CDKL2: variants seen among roughly 807,000 people sequenced by gnomAD.
CDKL2 encodes the protein cyclin-dependent kinase-like 2.
In CDKL2, 64 loss-of-function variants were observed where a neutral mutation model predicts 63.9. The observed-to-expected ratio is 1.00, with a 90% CI of 0.82 to 1.23. CDKL2 has a LOEUF of 1.23. Ranked by LOEUF, CDKL2 falls within the 50% of genes most tolerant of loss-of-function variation. CDKL2 has a pLI of 0.00. For missense variants in CDKL2, 656 were observed against 668.0 expected (o/e 0.98, Z 0.20); for synonymous variants, 211 against 229.2 (o/e 0.92, Z 0.72).
intron 13 of CDKL2, among the ~76,000 whole-genome samples, chr4:75,580,793 C>T (rs555770545): frequency 3.6e-4 from 54 of 149,488 alleles, no homozygotes; most frequent in Non-Finnish European, 4.5e-4. Context: ...CTCCGCCTCC[C>T]GGGTTCACGC....
chr4:75,608,996 GAAAAAAAA>G (rs5859470), intron 3 of CDKL2, among the ~76,000 whole-genome samples: 2 of 120,866 alleles, frequency 1.7e-5, no homozygotes, highest in Admixed American at 8.0e-5. Context: ...TCCATCTCAA[GAAAAAAAA>G]AAAAAAAGAA....
chr4:75,597,230 T>C lies in CDKL2; in HGVS notation c.1027A>G (p.Asn343Asp), dbSNP rs1353864300. The C allele has an allele frequency of 6.3e-7, 1 of 1,580,562 alleles. No homozygotes were observed. Among genetic ancestry groups the C allele is most frequent in the Admixed American group, 1.7e-5 (1 of 58,872 alleles). ...ERKTLVVQDT[N>D]ADPKIKDYKL... Reference sequence around the variant, plus strand: ...TAATCCTTAATTTTGGGATCAGCATTGGTATCCTGATCATTAACAAAAATA... The same window carrying C: ...TAATCCTTAATTTTGGGATCAGCATCGGTATCCTGATCATTAACAAAAATA... Residue 343 changes from asparagine to aspartate, a missense_variant, in exon 9 of 14, where the codon AAT (asparagine) becomes GAT (aspartate). Transcript: ENST00000307465.
chr4:75,614,944 CAT>C (rs934516369), intron 2 of CDKL2, among the ~76,000 whole-genome samples: 7 of 146,934 alleles, frequency 4.8e-5, no homozygotes, highest in East Asian at 2.0e-4. Context: ...TATGTATATT[CAT>C]ATATATATAT....
rs1729309641 is a variant in CDKL2 at position 75,603,852 on chromosome 4, G to A, written c.760C>T (p.Pro254Ser). The A allele has an allele frequency of 6.2e-7, 1 of 1,612,958 alleles. No homozygotes were observed. The highest frequency in any genetic ancestry group is 1.3e-5 in the African/African-American group (1 of 74,770). ...KEREPLERRYPKLSEVVIDLA... is the reference protein window; with the variant it reads ...KEREPLERRYSKLSEVVIDLA... ...TCTATCACCACTTCAGAGAGCTTAG[G>A]ATAGCGTCTTTCAAGAGGTTCTCTT... Residue 254 changes from proline to serine, a missense_variant, in exon 6 of 14, where the codon CCT becomes TCT. Coordinates refer to ENST00000307465, the MANE Select transcript of CDKL2 (RefSeq NM_001330724.2).
chr4:75,603,765 T>G (rs1461631360), intron 6 of CDKL2, 52 bp downstream of exon 6: 1 of 1,332,114 alleles, frequency 7.5e-7, no homozygotes, highest in Non-Finnish European at 1.0e-6. Context: ...AAAAAAGGTC[T>G]TGATAGTGCA....
At chr4:75,628,546 T>C (rs1279451201) in intron 1 of CDKL2, among the ~76,000 whole-genome samples, 1 of 152,204 alleles carries the variant, frequency 6.6e-6, no homozygotes, top group Non-Finnish European at 1.5e-5. Flanking sequence ...AGAAAAAAAT[T>C]ATTTCAGTCC....
In CDKL2 at chr4:75,600,308, A is replaced by G. The variant is rs1252593780; in HGVS notation, c.857T>C (p.Phe286Ser). 1.2e-6 allele frequency: 2 copies of G among 1,613,560 alleles called. No homozygotes were observed. The highest frequency in any genetic ancestry group is 1.7e-6 in the Non-Finnish European group (2 of 1,179,624). The change falls in exon 7 of 14, where the codon TTC becomes TCC. Residue 286 changes from phenylalanine to serine, a missense_variant. By Grantham distance (155) the Phe-to-Ser change is radical. Coordinates refer to ENST00000307465, the MANE Select transcript of CDKL2 (RefSeq NM_001330724.2). ...CTCAGCAAATCCATCCATTTGAAAGAAATCATGGTGTAGGAGCTCAGCACA... is the reference window on the plus strand; with the variant it reads ...CTCAGCAAATCCATCCATTTGAAAGGAATCATGGTGTAGGAGCTCAGCACA... ...PFCAELLHHD[F>S]FQMDGFAERF...
chr4:75,610,414 T>C lies in CDKL2; in HGVS notation c.364-3053A>G, dbSNP rs961685606. Among the ~76,000 whole-genome samples, 5 of 152,226 alleles carry C rather than the reference T, an allele frequency of 3.3e-5. No individual in the cohort carries two copies. In the East Asian group the frequency reaches 7.7e-4, roughly 24 times the overall value. ...TAAGTAACACAATAGATTCTAAGTA[T>C]AACCAAGATGATATGAGTTGAATTT... On this transcript the variant is annotated intron_variant, in intron 3 of 13. Coordinates refer to ENST00000307465, the MANE Select transcript of CDKL2 (RefSeq NM_001330724.2).
intron 12 of CDKL2, among the ~76,000 whole-genome samples, chr4:75,586,007 A>G (rs938089348): frequency 4.6e-5 from 7 of 152,328 alleles, no homozygotes; most frequent in African/African-American, 1.4e-4. Context: ...TCAATCACCA[A>G]GATAGACCGT....
At chr4:75,602,925 A>G (rs1327307949) in intron 6 of CDKL2, among the ~76,000 whole-genome samples, 1 of 151,806 alleles carries the variant, frequency 6.6e-6, no homozygotes, top group Non-Finnish European at 1.5e-5. Flanking sequence ...TTATGTTTTT[A>G]ATGTGTTTTT....
At position 75,581,841 on chromosome 4, in the gene CDKL2, G is replaced by A. The variant is rs369154103; in HGVS notation, c.1705C>T (p.Gln569Ter). ...CAGAACCAAAATGGTTCTCAGTGCT[G>A]GTGTTCCATTTGAGGCAAATCAGCC... Reference protein sequence around the residue: ...SGADLPQMEHQH With the variant: ...SGADLPQMEH The change falls in exon 13 of 14, where the codon CAG becomes TAG. Residue 569 changes from glutamine to a stop codon, truncating the protein, a stop_gained. Transcript: ENST00000307465. LOFTEE classifies it high-confidence loss of function. 2.5e-6 allele frequency: 4 copies of A among 1,610,848 alleles called. No homozygotes were observed. Among genetic ancestry groups the A allele is most frequent in the Non-Finnish European group, 3.4e-6 (4 of 1,177,628 alleles).
chr4:75,613,124 C>CA (rs143485625), intron 3 of CDKL2, among the ~76,000 whole-genome samples: 1 of 142,308 alleles, frequency 7.0e-6, no homozygotes. Flanking sequence ...GACTCCGTTT[C>CA]AAAAAAAAAT....
intron 8 of CDKL2, 131 bp downstream of exon 8, chr4:75,597,946 A>G: frequency 3.5e-6 from 2 of 565,094 alleles, no homozygotes; most frequent in South Asian, 5.1e-5. Flanking sequence ...GAGAAGATAC[A>G]TTTTTACAAC....
At chr4:75,596,487 G>A (rs1053179832) in intron 9 of CDKL2, 147 bp from the exon 10 acceptor site, 9 of 617,660 alleles carry the variant, frequency 1.5e-5, no homozygotes, top group Non-Finnish European at 2.0e-5. Context: ...CATAAATCTG[G>A]TGAAACATTC....
intron 10 of CDKL2, among the ~76,000 whole-genome samples, chr4:75,593,609 C>T (rs1728798538): frequency 6.6e-6 from 1 of 152,126 alleles, no homozygotes; most frequent in Non-Finnish European, 1.5e-5. Flanking sequence ...AGGTTGATAT[C>T]AGTTCTGGCA....
chr4:75,624,166 A>G (rs1040792457), intron 2 of CDKL2, among the ~76,000 whole-genome samples: 12 of 151,702 alleles, frequency 7.9e-5, no homozygotes, highest in African/African-American at 1.5e-4. Flanking sequence ...AAAAATTAGA[A>G]GTAAAAATAT....
chr4:75,622,715 C>CA (rs1171964321), intron 2 of CDKL2, among the ~76,000 whole-genome samples: 5,523 of 13,966 alleles, frequency 0.4, 2,350 homozygotes, highest in East Asian at 0.61. Context: ...AAGACTCCAT[C>CA]AAAAAAAAAA....
chr4:75,624,658 A>C (rs1730315853), intron 2 of CDKL2, among the ~76,000 whole-genome samples: 1 of 151,734 alleles, frequency 6.6e-6, no homozygotes, highest in African/African-American at 2.4e-5. Context: ...AGACCATCCC[A>C]ATCAACATGG....
intron 10 of CDKL2, 50 bp downstream of exon 10, chr4:75,596,197 C>G: frequency 9.5e-7 from 1 of 1,053,128 alleles, no homozygotes; most frequent in Non-Finnish European, 1.5e-6. Context: ...TAATAAAAGT[C>G]TAGAGCTGAC....
Sources: allele counts gnomAD v4.1 joint callset (sites outside exome capture counted in the v4.1 genomes callset), GRCh38; gene constraint gnomAD v4.1.1; transcripts MANE v1.5; gene names NCBI Gene and HGNC (gene_info 2026-07-23, HGNC 2026-07-21).